Variants in BEND3 observed in about 807,000 individuals in gnomAD.
BEND3 encodes the protein BEN domain containing 3, also known as BEN domain-containing protein 3.
Under a neutral mutation model 60.1 loss-of-function variants are expected in BEND3, and 13 were observed. The observed-to-expected ratio is 0.22, with a 90% CI of 0.14 to 0.34. BEND3 has a LOEUF of 0.34. Ranked by LOEUF, BEND3 falls within the 10% of genes least tolerant of loss-of-function variation. BEND3 has a pLI of 1.00. For missense variants in BEND3, 896 were observed against 1,138.1 expected, an observed-to-expected ratio of 0.79 and a Z score of 3.06; for synonymous variants, 497 against 491.5, an observed-to-expected ratio of 1.01 and a Z score of -0.15.
chr6:107,111,080 G>A (rs1288125854), intron 1 of BEND3, among the ~76,000 whole-genome samples: 1 of 151,984 alleles, frequency 6.6e-6, no homozygotes, highest in African/African-American at 2.4e-5. Flanking sequence ...TGGGAGGATC[G>A]CTTGAGCCCG....
chr6:107,113,776 A>T (rs782589082), intron 1 of BEND3: 1 of 151,880 alleles, frequency 6.6e-6, no homozygotes, highest in Non-Finnish European at 1.5e-5. Flanking sequence ...AAAAAAAGAG[A>T]GAAAAACGGA....
At position 107,070,943 on chromosome 6, in the gene BEND3, A is replaced by T. The variant is rs1774967172; in HGVS notation, c.248T>A (p.Leu83Gln). Residue 83 changes from leucine (L) to glutamine (Q), a missense_variant, in exon 4 of 4, where the codon CTA becomes CAA. Physicochemically the swap from Leu to Gln is moderately radical, Grantham distance 113. This residue lies in a region of BEND3 where 846 missense variants were observed against 1,036.7 expected (regional missense o/e 0.82). Coordinates refer to ENST00000369042, the MANE Select transcript of BEND3 (RefSeq NM_001367314.1). This position sits in a 1 kb window ranked among gnomAD's most constrained non-coding sequence, Gnocchi z 6.9. ...GTTCTCACGGTTCCGCATGCCTGCT[A>T]GGAGAGCCTGCAAAACAAAAATCAT... is the stretch of plus-strand genomic sequence containing the variant. ...KRRRLIPEAL[L>Q]AGMRNRENSS... 1 of 1,604,622 alleles carries T rather than the reference A, an allele frequency of 6.2e-7. No individual in the cohort carries two copies. The highest frequency in any genetic ancestry group is 8.5e-7 in the Non-Finnish European group (1 of 1,175,454).
Position 107,112,343 on chromosome 6 carries a change from G to A in BEND3, c.-12+2747C>T, listed in dbSNP as rs187439428. Among the ~76,000 whole-genome samples, 43 of 152,270 alleles carry A rather than the reference G, an allele frequency of 2.8e-4. No individual in the cohort carries two copies. In the East Asian group the frequency reaches 7.9e-3, roughly 28 times the overall value. On this transcript the variant is annotated intron_variant, in intron 1 of 3. Transcript: ENST00000369042. ...GCTATGCTTCTGCTCACACAGGGGT[G>A]CTTAGGAGCCAAGAAAGAACCCACA...
chr6:107,100,033 C>G (rs571993115), intron 1 of BEND3, among the ~76,000 whole-genome samples: 2 of 152,080 alleles, frequency 1.3e-5, no homozygotes, highest in East Asian at 3.9e-4. Context: ...CCGCCACCCA[C>G]AGCTAATTAA....
At chr6:107,079,219 G>A (rs1476753899) in intron 3 of BEND3, among the ~76,000 whole-genome samples, 2 of 152,262 alleles carry the variant, frequency 1.3e-5, no homozygotes, top group Non-Finnish European at 2.9e-5. Flanking sequence ...AGTAGGAGGA[G>A]GGCCCGGGCC....
intron 3 of BEND3, among the ~76,000 whole-genome samples, chr6:107,074,623 G>C (rs1775062073): frequency 6.6e-6 from 1 of 152,012 alleles, no homozygotes; most frequent in Admixed American, 6.6e-5. Flanking sequence ...TGTCCTAAAG[G>C]CTGGGAATTT....
intron 3 of BEND3, among the ~76,000 whole-genome samples, chr6:107,096,383 G>A (rs1329266486): frequency 1.3e-5 from 2 of 152,170 alleles, no homozygotes; most frequent in African/African-American, 2.4e-5. Context: ...AGGCCGAGGC[G>A]AGTGAATTAC....
At chr6:107,105,377 G>A (rs1252251592) in intron 1 of BEND3, among the ~76,000 whole-genome samples, 1,921 of 118,804 alleles carry the variant, frequency 0.016, no homozygotes, top group Middle Eastern at 0.028. Context: ...TCTCAAAAAA[G>A]AAAAAAAAAA....
At chr6:107,103,439 T>TAA (rs1344119131) in intron 1 of BEND3, among the ~76,000 whole-genome samples, 66 of 152,322 alleles carry the variant, frequency 4.3e-4, no homozygotes, top group Non-Finnish European at 7.6e-4. Flanking sequence ...ACCCACCTCC[T>TAA]AAAGGCTGCT....
In BEND3 at chr6:107,096,871, G is replaced by C. The variant is rs146187041; in HGVS notation, c.240+1680C>G. ...GCACTTTGGGAGGCCAAGACAGGCAGACCACTTGAGGTCTGGAGTTTGAGA... is the reference window on the plus strand; with the variant it reads ...GCACTTTGGGAGGCCAAGACAGGCACACCACTTGAGGTCTGGAGTTTGAGA... On this transcript the variant is annotated intron_variant, in intron 3 of 3. Transcript: ENST00000369042. Among the ~76,000 whole-genome samples the C allele has an allele frequency of 1.3e-4, 20 of 152,054 alleles. No individual in the cohort carries two copies. The East Asian group carries it at 3.7e-3, about 28-fold the overall frequency.
rs577155547 is a variant in BEND3 at position 107,105,537 on chromosome 6, T to C, written c.-11-6241A>G. ...GCGGCTGGGAGTGGCCCGGGGTACC[T>C]TTCTATCAAGTTCTTTGAATAGTCA... is the stretch of plus-strand genomic sequence containing the variant. On this transcript the variant is annotated intron_variant, in intron 1 of 3. Transcript: ENST00000369042. Among the ~76,000 whole-genome samples the C allele has an allele frequency of 2.0e-4, 30 of 152,226 alleles. No homozygotes were observed. The South Asian group carries it at 5.8e-3, about 30-fold the overall frequency.
Position 107,066,022 on chromosome 6 carries a change from T to C in BEND3, c.*2682A>G, listed in dbSNP as rs74869563. On this transcript the variant is annotated 3_prime_UTR_variant, in exon 4 of 4. Transcript: ENST00000369042. The stretch of plus-strand genomic sequence containing the variant: ...AGAGAAATCAATGAAGACTACCACC[T>C]ACTGTGACTTACTAGTTCATTCAAC... 6.6e-6 allele frequency: 1 copy of C among 151,110 alleles called. No homozygotes were observed. The highest frequency in any genetic ancestry group is 1.9e-4 in the East Asian group (1 of 5,140). 9.4% of individuals were successfully genotyped at this position (151,110 alleles called of 1,614,324 possible). A position where few individuals can be genotyped will look rare whatever the true frequency, so the allele number is the denominator to read the frequency against.
chr6:107,069,161 G>C lies in BEND3; in HGVS notation c.2030C>G (p.Pro677Arg), dbSNP rs782408294. The change falls in exon 4 of 4, where the codon CCC becomes CGC. Residue 677 changes from proline (P) to arginine (R), a missense_variant. Around this residue, in one of 4 missense-constraint regions of BEND3, gnomAD observed 846 missense variants for 1,036.7 expected, o/e 0.82. Transcript: ENST00000369042. ...CTCAAACTCCTCCCGGAACCTCTCG[G>C]GGTTGATTGCATAGCTGGTCAAGTC... ...CRDLTSYAIN[P>R]ERFREEFEGP... 5.6e-6 allele frequency: 9 copies of C among 1,612,550 alleles called. No homozygotes were observed. Among genetic ancestry groups the C allele is most frequent in the African/African-American group, 5.3e-5 (4 of 74,932 alleles).
Position 107,069,693 on chromosome 6 carries a change from C to T in BEND3, c.1498G>A (p.Asp500Asn). The T allele has an allele frequency of 1.2e-6, 2 of 1,609,900 alleles. No individual in the cohort carries two copies. The highest frequency in any genetic ancestry group is 1.7e-6 in the Non-Finnish European group (2 of 1,179,988). ...ATGTCGTCGGGCAGACTGGAGGAGT[C>T]GTAGCAGTCATCACGCGGGGGGTCG... is the stretch of plus-strand genomic sequence containing the variant. ...EGDPPRDDCYDSSSLPDDISV... is the reference protein window; with the variant it reads ...EGDPPRDDCYNSSSLPDDISV... The change falls in exon 4 of 4, where the codon GAC becomes AAC. Residue 500 changes from aspartate (D) to asparagine (N), a missense_variant. Around this residue, in one of 4 missense-constraint regions of BEND3, gnomAD observed 846 missense variants for 1,036.7 expected, o/e 0.82. Transcript: ENST00000369042.
rs564584401 is a variant in BEND3 at position 107,069,727 on chromosome 6, G to T, written c.1464C>A (p.Gly488=). 7.4e-6 allele frequency: 12 copies of T among 1,611,214 alleles called. No individual in the cohort carries two copies. In the South Asian group the frequency reaches 1.2e-4, roughly 16 times the overall value. Residue 488 remains glycine, a synonymous_variant, in exon 4 of 4, where the codon GGC becomes GGA. Transcript: ENST00000369042. The part of the protein sequence containing the change: ...DELEGLGLDA[G]SEGDPPRDDC... ...CATCACGCGGGGGGTCGCCTTCACT[G>T]CCCGCGTCCAGCCCCAGGCCCTCGA...
Position 107,098,704 on chromosome 6 carries a change from A to G in BEND3, c.87T>C (p.Ala29=). Reference sequence around the variant, plus strand: ...TCCTGGAATTCACGGAGCAGTCCAGAGCAGCATCTTCAGCCTCTGTCTCCA... The same window carrying G: ...TCCTGGAATTCACGGAGCAGTCCAGGGCAGCATCTTCAGCCTCTGTCTCCA... ...VKVETEAEDA[A]LDCSVNSRTS... The change falls in exon 3 of 4, where the codon GCT becomes GCC. Residue 29 remains alanine (A), a synonymous_variant. Coordinates refer to ENST00000369042, the MANE Select transcript of BEND3 (RefSeq NM_001367314.1). 6.2e-7 allele frequency: 1 copy of G among 1,614,138 alleles called. No individual in the cohort carries two copies. The highest frequency in any genetic ancestry group is 8.5e-7 in the Non-Finnish European group (1 of 1,180,042).
intron 3 of BEND3, among the ~76,000 whole-genome samples, chr6:107,095,805 T>C (rs182353169): frequency 1.3e-5 from 2 of 152,278 alleles, no homozygotes; most frequent in East Asian, 1.9e-4. Context: ...AGGCTACACA[T>C]TGTATGATTC....
rs1199127166 is a variant in BEND3, at chr6:107,085,810, G to A, written c.240+12741C>T. Among the ~76,000 whole-genome samples the A allele has an allele frequency of 1.8e-4, 17 of 96,632 alleles. No individual in the cohort carries two copies. The East Asian group carries it at 2.0e-3, about 11-fold the overall frequency. 63.4% of individuals were successfully genotyped at this position (96,632 alleles called of 152,430 possible). On this transcript the variant is annotated intron_variant, in intron 3 of 3. Transcript: ENST00000369042. The stretch of plus-strand genomic sequence containing the variant: ...CTGGCCTTATTTTTTTTTTTGAGAC[G>A]GAGTCTTGCTCTGTCGCCCAGGCTG...
At chr6:107,111,277 G>A (rs1042207149) in intron 1 of BEND3, among the ~76,000 whole-genome samples, 4 of 151,904 alleles carry the variant, frequency 2.6e-5, no homozygotes, top group Admixed American at 6.6e-5. Flanking sequence ...TCGGGAGGCC[G>A]AGGTGGGCAG....
Sources: gnomAD v4.1 joint callset for allele counts (sites outside exome capture counted in the v4.1 genomes callset) on GRCh38, gnomAD v4.1.1 for gene constraint, gnomAD v4.1.1 regional missense constraint, Gnocchi (gnomAD v3.1) non-coding constraint, MANE v1.5 for transcripts, NCBI Gene and HGNC (gene_info 2026-07-23, HGNC 2026-07-21) for gene names.